IFT172: variants seen among roughly 807,000 people sequenced by gnomAD.
IFT172 encodes intraflagellar transport protein 172 homolog.
A neutral mutation model predicts 248.9 loss-of-function variants in IFT172; 164 were observed. That is an observed-to-expected ratio of 0.66 (90% confidence interval 0.58 to 0.75). The LOEUF (loss-of-function observed/expected upper bound fraction) is 0.75. IFT172 is among the 30% of genes least tolerant of loss of function. The pLI is 0.00. For missense variants in IFT172, 1,950 were observed against 2,192.4 expected (o/e 0.89, Z 2.21); for synonymous variants, 729 against 791.6 (o/e 0.92, Z 1.33).
chr2:27,485,457 G>C lies in IFT172; in HGVS notation c.86C>G (p.Ala29Gly). 1 of 1,614,074 alleles carries C rather than the reference G, an allele frequency of 6.2e-7. No individual in the cohort carries two copies. The highest frequency in any genetic ancestry group is 8.5e-7 in the Non-Finnish European group (1 of 1,179,964). Residue 29 changes from alanine to glycine, a missense_variant, in exon 2 of 48, where the codon GCC becomes GGC. Ala to Gly is a moderately conservative substitution (Grantham distance 60). Around this residue, in one of 3 missense-constraint regions of IFT172, gnomAD observed 1,166 missense variants for 1,254.1 expected, o/e 0.93. Coordinates refer to ENST00000260570, the MANE Select transcript of IFT172 (RefSeq NM_015662.3). ...VTCMAWSQNN[A>G]KFAVCTVDRV... ...GTCCACTGTGCAGACAGCAAATTTG[G>C]CATTGTTCTGGGACCAAGCCATGCA...
chr2:27,446,854 C>T (rs543899555), intron 42 of IFT172, among the ~76,000 whole-genome samples: 154 of 151,422 alleles, frequency 1.0e-3, no homozygotes, highest in African/African-American at 3.6e-3. Flanking sequence ...CGCCCGCCAC[C>T]GTGCCTGGCT....
intron 29 of IFT172, among the ~76,000 whole-genome samples, chr2:27,456,865 T>C (rs1019927152): frequency 3.9e-5 from 6 of 151,948 alleles, no homozygotes; most frequent in Admixed American, 3.9e-4. Flanking sequence ...GCCAACATAG[T>C]GAAACCCCAT....
intron 33 of IFT172, 56 bp downstream of exon 33, chr2:27,453,926 T>G: frequency 6.5e-7 from 1 of 1,547,444 alleles, no homozygotes; most frequent in African/African-American, 1.4e-5. Context: ...TGTGGCTCTC[T>G]GTGGGCTCTT....
chr2:27,465,903 A>G, intron 16 of IFT172, 21 bp from the exon 17 acceptor site: 1 of 1,613,314 alleles, frequency 6.2e-7, no homozygotes, highest in South Asian at 1.1e-5. Flanking sequence ...TTATCCCCCA[A>G]CCCACCCCAA....
intron 20 of IFT172, 118 bp downstream of exon 20, chr2:27,462,583 T>C (rs980279576): frequency 4.8e-6 from 4 of 836,680 alleles, no homozygotes; most frequent in Admixed American, 4.3e-5. Flanking sequence ...TTGAAAGTTT[T>C]CCCCAAACCT....
chr2:27,465,351 A>C, intron 18 of IFT172, 60 bp downstream of exon 18: 1 of 1,408,822 alleles, frequency 7.1e-7, no homozygotes, highest in Non-Finnish European at 1.0e-6. Context: ...CACAGGGAAA[A>C]TACTCATGTG....
At chr2:27,463,980 G>C (rs979944835) in intron 18 of IFT172, among the ~76,000 whole-genome samples, 1 of 152,120 alleles carries the variant, frequency 6.6e-6, no homozygotes, top group African/African-American at 2.4e-5. Flanking sequence ...CTAATGGAAG[G>C]TTCCAGTCAT....
chr2:27,450,891 T>A (rs1665608943), intron 35 of IFT172, among the ~76,000 whole-genome samples: 2 of 151,924 alleles, frequency 1.3e-5, no homozygotes, highest in South Asian at 2.1e-4. Context: ...TGCGCCCAGA[T>A]GAAATGGTGT....
chr2:27,446,523 A>C (rs949089990), intron 42 of IFT172, 168 bp from the exon 43 acceptor site: 1 of 577,314 alleles, frequency 1.7e-6, no homozygotes, highest in Non-Finnish European at 3.0e-6. Context: ...TTCTCTGAAC[A>C]AGACACCTGG....
Position 27,448,982 on chromosome 2 carries a change from A to C in IFT172, c.4361T>G (p.Ile1454Ser). 6.2e-7 allele frequency: 1 copy of C among 1,612,740 alleles called. No individual in the cohort carries two copies. Residue 1454 changes from isoleucine to serine, a missense_variant, in exon 40 of 48, where the codon ATC (isoleucine) becomes AGC (serine). This residue lies in a region of IFT172 where 620 missense variants were observed against 699.0 expected (regional missense o/e 0.89). Coordinates refer to ENST00000260570, the MANE Select transcript of IFT172 (RefSeq NM_015662.3). Reference sequence around the variant, plus strand: ...TGCCTGGGCAGAGCTACCCTCCCGGATCAAGTGAGTTGCATACAAAGCCAC... The same window carrying C: ...TGCCTGGGCAGAGCTACCCTCCCGGCTCAAGTGAGTTGCATACAAAGCCAC... ...KYVALYATHL[I>S]REGSSAQALA...
intron 10 of IFT172, 79 bp downstream of exon 10, chr2:27,479,430 T>C: frequency 1.2e-6 from 1 of 828,196 alleles, no homozygotes; most frequent in Admixed American, 1.8e-5. Flanking sequence ...ACTATGGCTG[T>C]GGCCAGAAGG....
intron 40 of IFT172, 85 bp from the exon 41 acceptor site, chr2:27,448,007 C>T: frequency 1.2e-6 from 1 of 834,212 alleles, no homozygotes; most frequent in East Asian, 2.5e-5. Context: ...GGAGGAGAAA[C>T]AGGCTTTGTG....
chr2:27,476,481 T>C (rs554560173), intron 14 of IFT172, among the ~76,000 whole-genome samples, 160 bp downstream of exon 14: 1 of 152,326 alleles, frequency 6.6e-6, no homozygotes, highest in Admixed American at 6.5e-5. Context: ...TGCACACATA[T>C]TGACTTAAAC....
chr2:27,446,416 T>C, intron 42 of IFT172, 61 bp from the exon 43 acceptor site: 2 of 1,446,470 alleles, frequency 1.4e-6, no homozygotes, highest in Non-Finnish European at 9.7e-7. Flanking sequence ...ACCAGACCAA[T>C]GATCCTGTAA....
chr2:27,465,888 A>G lies in IFT172; in HGVS notation c.1693-6T>C. The G allele has an allele frequency of 6.2e-7, 1 of 1,613,972 alleles. No individual in the cohort carries two copies. Among genetic ancestry groups the G allele is most frequent in the Non-Finnish European group, 8.5e-7 (1 of 1,179,920 alleles). On this transcript the variant is annotated splice_region_variant and splice_polypyrimidine_tract_variant and intron_variant, in intron 16 of 47. Coordinates refer to ENST00000260570, the MANE Select transcript of IFT172 (RefSeq NM_015662.3). ...TCCAGACCTATAACATCACCCTGTA[A>G]AAGTTTATCCCCCAACCCACCCCAA...
chr2:27,446,987 C>G (rs1665187039), intron 42 of IFT172, among the ~76,000 whole-genome samples: 1 of 152,086 alleles, frequency 6.6e-6, no homozygotes, highest in Non-Finnish European at 1.5e-5. Context: ...GCGTGAGCCA[C>G]CGCGCCCGGC....
At chr2:27,462,059 TCTCA>T (rs1666721956) in intron 20 of IFT172, among the ~76,000 whole-genome samples, 1 of 152,090 alleles carries the variant, frequency 6.6e-6, no homozygotes, top group African/African-American at 2.4e-5. Context: ...TGAGATGGAG[TCTCA>T]CTCTGTTGCC....
chr2:27,445,960 A>G lies in IFT172; in HGVS notation c.4784T>C (p.Ile1595Thr). 1 of 1,614,236 alleles carries G rather than the reference A, an allele frequency of 6.2e-7. No homozygotes were observed. Reference sequence around the variant, plus strand: ...CAGGTCCAAAAAGCGATTGAGGAAGATGAATGCCATGTTATCCCAGCCAAC... The same window carrying G: ...CAGGTCCAAAAAGCGATTGAGGAAGGTGAATGCCATGTTATCCCAGCCAAC... Reference protein sequence around the residue: ...KAVGWDNMAFIFLNRFLDLTD... With the variant: ...KAVGWDNMAFTFLNRFLDLTD... Residue 1595 changes from isoleucine (I) to threonine (T), a missense_variant, in exon 44 of 48, where the codon ATC (isoleucine) becomes ACC (threonine). This residue lies in a region of IFT172 where 620 missense variants were observed against 699.0 expected (regional missense o/e 0.89). Transcript: ENST00000260570. The surrounding 1 kb of genome is among the most constrained non-coding windows in gnomAD (Gnocchi z 4.4).
intron 14 of IFT172, among the ~76,000 whole-genome samples, chr2:27,476,240 C>T (rs1272456038): frequency 3.9e-5 from 6 of 151,940 alleles, no homozygotes; most frequent in Non-Finnish European, 7.4e-5. Context: ...GTCTAGAGAA[C>T]GTGAATAATT....
Sources: gnomAD v4.1 joint callset for allele counts (sites outside exome capture counted in the v4.1 genomes callset) on GRCh38, gnomAD v4.1.1 for gene constraint, gnomAD v4.1.1 regional missense constraint, Gnocchi (gnomAD v3.1) non-coding constraint, MANE v1.5 for transcripts, NCBI Gene and HGNC (gene_info 2026-07-23, HGNC 2026-07-21) for gene names.